The following CALN1 variants were observed in gnomAD, a reference collection of about 807,000 sequenced individuals.
CALN1 encodes calneuron 1, also known as calcium-binding protein 8.
CALN1 carries 17 observed loss-of-function variants against 30.6 expected under a neutral mutation model. The observed-to-expected ratio is 0.56, with a 90% CI of 0.38 to 0.83. CALN1 has a LOEUF of 0.83. Among genes scored for constraint, CALN1 ranks in the 40% least tolerant of loss-of-function variants. The pLI is 0.00. For missense variants in CALN1, 291 were observed against 354.9 expected, an observed-to-expected ratio of 0.82 and a Z score of 1.45; for synonymous variants, 156 against 131.4, an observed-to-expected ratio of 1.19 and a Z score of -1.28.
At chr7:71,942,050 G>A (rs1365454219) in intron 5 of CALN1, among the ~76,000 whole-genome samples, 1 of 151,946 alleles carries the variant, frequency 6.6e-6, no homozygotes, top group Non-Finnish European at 1.5e-5. Context: ...AATACAAAAA[G>A]TAGCCGGGCG....
the CALN1 span, among the ~76,000 whole-genome samples, chr7:72,484,275 T>C: frequency 6.6e-6 from 1 of 151,958 alleles, no homozygotes; most frequent in Admixed American, 6.6e-5. Flanking sequence ...TCTTGATTTT[T>C]TTTTCTGGGA....
chr7:72,432,215 G>A (rs1300204692), intron 1 of CALN1, among the ~76,000 whole-genome samples: 3 of 152,096 alleles, frequency 2.0e-5, no homozygotes, highest in Admixed American at 1.3e-4. Context: ...ATAAAGGGCA[G>A]TTCTCCTGCC....
chr7:72,371,837 G>A (rs1040411874), intron 2 of CALN1, among the ~76,000 whole-genome samples: 1 of 152,206 alleles, frequency 6.6e-6, no homozygotes, highest in South Asian at 2.1e-4. Context: ...GTAAGATAAA[G>A]TAAGCATGTT....
intron 5 of CALN1, among the ~76,000 whole-genome samples, chr7:71,898,404 G>C (rs944986411): frequency 6.6e-6 from 1 of 152,082 alleles, no homozygotes; most frequent in Non-Finnish European, 1.5e-5. Flanking sequence ...GATTGGACAT[G>C]GCTGATAAAA....
At chr7:72,069,162 C>T (rs1249197584) in intron 4 of CALN1, among the ~76,000 whole-genome samples, 1 of 152,156 alleles carries the variant, frequency 6.6e-6, no homozygotes, top group Non-Finnish European at 1.5e-5. Flanking sequence ...CGTGCGGAAT[C>T]GCAGACTTCA....
intron 5 of CALN1, among the ~76,000 whole-genome samples, chr7:71,961,112 T>G (rs961542239): frequency 3.3e-5 from 5 of 152,154 alleles, no homozygotes; most frequent in African/African-American, 1.2e-4. Context: ...CCACTGCTCA[T>G]AAGACTTTTT....
At chr7:72,457,064 A>T in the CALN1 span, among the ~76,000 whole-genome samples, 61 of 129,358 alleles carry the variant, frequency 4.7e-4, no homozygotes, top group African/African-American at 1.8e-3. Context: ...GCTGGAGTGC[A>T]GTGATGCAAT....
At chr7:71,949,979 G>A (rs1360009025) in intron 5 of CALN1, among the ~76,000 whole-genome samples, 2 of 151,942 alleles carry the variant, frequency 1.3e-5, no homozygotes, top group African/African-American at 2.4e-5. Context: ...AGCCAGGATG[G>A]TCTCAATCTC....
rs1806470807 is a variant in CALN1 at position 72,403,317 on chromosome 7, C to T, written c.53G>A (p.Gly18Glu). Residue 18 changes from glycine (G) to glutamate (E), a missense_variant, in exon 2 of 7, where the codon GGG becomes GAG. Coordinates refer to ENST00000395275, the MANE Select transcript of CALN1 (RefSeq NM_031468.4). The stretch of plus-strand genomic sequence containing the variant: ...TCCCCCTCCGAGGGCTCCTCCGTCC[C>T]CCTTTTTCTCATTCTCGGGCTTCCC... ...GEGKPENEKK[G>E]DGGALGGGEE... The T allele has an allele frequency of 6.5e-7, 1 of 1,550,168 alleles. No individual in the cohort carries two copies.
At chr7:71,995,917 C>T (rs904717581) in intron 5 of CALN1, among the ~76,000 whole-genome samples, 2 of 152,108 alleles carry the variant, frequency 1.3e-5, no homozygotes, top group Admixed American at 1.3e-4. Flanking sequence ...ATAAAAAGCA[C>T]TTGGCTTAGG....
At chr7:71,833,981 T>G (rs576001111) in intron 5 of CALN1, among the ~76,000 whole-genome samples, 1 of 151,990 alleles carries the variant, frequency 6.6e-6, no homozygotes, top group Admixed American at 6.6e-5. Flanking sequence ...CCCAACACTT[T>G]GGGAGGCCGT....
At position 72,412,105 on chromosome 7, in the gene CALN1, TTTAAGAATAAA is replaced by T. The variant is rs1365962581; in HGVS notation, c.-132_-122del. 1 of 152,404 alleles carries T rather than the reference TTTAAGAATAAA, an allele frequency of 6.6e-6. No homozygotes were observed. Among genetic ancestry groups the T allele is most frequent in the Non-Finnish European group, 1.5e-5 (1 of 68,126 alleles). The allele number at this position is 152,404 out of a possible 1,614,324, so 9.4% of individuals were successfully genotyped here. On this transcript the variant is annotated 5_prime_UTR_variant, in exon 1 of 7. Transcript: ENST00000395275. ...CTGCTGGGTTGTTGGTCTCGCCGAC[TTTAAGAATAAA>T]ACCACGGACCTCGCGGTGAGTGTTA...
At chr7:72,076,725 C>A (rs1465237668) in intron 4 of CALN1, among the ~76,000 whole-genome samples, 1 of 145,906 alleles carries the variant, frequency 6.9e-6, no homozygotes, top group East Asian at 2.0e-4. Flanking sequence ...GCAGCCACTC[C>A]TCAGAGACTA....
intron 3 of CALN1, among the ~76,000 whole-genome samples, chr7:72,205,551 AATATATATATATATATGTAT>A (rs1254974557): frequency 3.6e-5 from 3 of 83,052 alleles, no homozygotes; most frequent in Non-Finnish European, 3.9e-5. Flanking sequence ...GCAAAAAAAA[AATATATATATATATATGTAT>A]ATATATATAT....
chr7:72,057,174 C>T (rs952794686), intron 4 of CALN1, among the ~76,000 whole-genome samples: 2 of 152,076 alleles, frequency 1.3e-5, no homozygotes, highest in Non-Finnish European at 2.9e-5. Context: ...CTTGAACGCC[C>T]GGCCTGAAGT....
At chr7:72,281,235 C>G (rs1797717655) in intron 2 of CALN1, among the ~76,000 whole-genome samples, 1 of 152,120 alleles carries the variant, frequency 6.6e-6, no homozygotes, top group Non-Finnish European at 1.5e-5. Flanking sequence ...CAGGACGACA[C>G]AGCAAGAAGG....
intron 3 of CALN1, among the ~76,000 whole-genome samples, chr7:72,131,685 G>A (rs1444964439): frequency 3.3e-5 from 5 of 152,026 alleles, no homozygotes; most frequent in East Asian, 1.9e-4. Flanking sequence ...CCATGACCTC[G>A]TATTTGCCCA....
chr7:72,458,923 T>G, the CALN1 span, among the ~76,000 whole-genome samples: 1 of 147,752 alleles, frequency 6.8e-6, no homozygotes, highest in African/African-American at 2.5e-5. Context: ...TGTTTGTTTT[T>G]GTTTTGAGAC....
At chr7:71,935,867 A>G (rs1197679029) in intron 5 of CALN1, among the ~76,000 whole-genome samples, 1 of 152,170 alleles carries the variant, frequency 6.6e-6, no homozygotes, top group African/African-American at 2.4e-5. Context: ...CTTGACCACA[A>G]AATGCAATCT....
Sources: gnomAD v4.1 joint callset for allele counts (sites outside exome capture counted in the v4.1 genomes callset) on GRCh38, gnomAD v4.1.1 for gene constraint, MANE v1.5 for transcripts, NCBI Gene and HGNC (gene_info 2026-07-23, HGNC 2026-07-21) for gene names.